The following CCKAR variants were observed in gnomAD, a reference collection of about 807,000 sequenced individuals.
CCKAR encodes cholecystokinin A receptor.
In CCKAR, 21 loss-of-function variants were observed where a neutral mutation model predicts 29.8. The ratio of observed to expected loss-of-function variants is 0.70; its 90% CI spans 0.50 to 1.01. The LOEUF (loss-of-function observed/expected upper bound fraction) is 1.01, where lower values mean the gene tolerates loss of function less well. Ranked by LOEUF, CCKAR falls within the 50% of genes least tolerant of loss-of-function variation. The pLI is 0.00. For synonymous variants in CCKAR, 238 were observed against 221.3 expected (o/e 1.08, Z -0.67); for missense variants, 570 against 560.6 (o/e 1.02, Z -0.17).
At chr4:26,483,061 C>G in intron 4 of CCKAR, 95 bp downstream of exon 4, 1 of 1,296,038 alleles carries the variant, frequency 7.7e-7, no homozygotes, top group South Asian at 1.7e-5. Context: ...GCTTTTCCAA[C>G]AAACTTTACG....
intron 3 of CCKAR, among the ~76,000 whole-genome samples, chr4:26,485,231 A>G (rs1737426560): frequency 6.6e-6 from 1 of 151,078 alleles, no homozygotes; most frequent in Non-Finnish European, 1.5e-5. Context: ...AAAGAAAATC[A>G]TAGCTCTACA....
chr4:26,487,185 C>T (rs1298833082), intron 2 of CCKAR, among the ~76,000 whole-genome samples: 1 of 152,126 alleles, frequency 6.6e-6, no homozygotes, highest in African/African-American at 2.4e-5. Context: ...AATTTGGGAG[C>T]AGAGGTCCTG....
intron 2 of CCKAR, among the ~76,000 whole-genome samples, chr4:26,486,785 G>A (rs757348920): frequency 6.6e-6 from 1 of 152,020 alleles, no homozygotes; most frequent in Non-Finnish European, 1.5e-5. Context: ...ATGGCTGCAC[G>A]TGCCTGTAAT....
intron 3 of CCKAR, 131 bp downstream of exon 3, chr4:26,485,506 C>T: frequency 1.1e-6 from 1 of 874,572 alleles, no homozygotes; most frequent in South Asian, 1.7e-5. Context: ...TAGAACGAGG[C>T]TAGAAAGACC....
Position 26,489,395 on chromosome 4 carries a change from G to T in CCKAR, c.202C>A (p.Arg68=). Residue 68 remains arginine (R), a synonymous_variant, in exon 2 of 5, where the codon CGG becomes AGG. Transcript: ENST00000295589. ...GTGACCGTCCGCATCCGCTTGTTCC[G>T]AATCAGCACGGTGATGACCAGCGTG... ...GNTLVITVLI[R]NKRMRTVTNI... 1 of 1,614,138 alleles carries T rather than the reference G, an allele frequency of 6.2e-7. No homozygotes were observed. Among genetic ancestry groups the T allele is most frequent in the Non-Finnish European group, 8.5e-7 (1 of 1,180,036 alleles).
Position 26,490,253 on chromosome 4 carries a change from G to A in CCKAR, c.15C>T (p.Asp5=). The A allele has an allele frequency of 6.2e-7, 1 of 1,611,402 alleles. No homozygotes were observed. The highest frequency in any genetic ancestry group is 2.2e-5 in the East Asian group (1 of 44,806). ...TGTTGCTTCCATTCACAAGAAGGCT[G>A]TCAACCACATCCATCCTTGCCTGCT... MDVV[D]SLLVNGSNIT... Residue 5 remains aspartate (D), a synonymous_variant, in exon 1 of 5, where the codon GAC becomes GAT. Transcript: ENST00000295589.
chr4:26,489,811 C>T (rs2071011), intron 1 of CCKAR, among the ~76,000 whole-genome samples: 3 of 152,078 alleles, frequency 2.0e-5, no homozygotes, highest in Admixed American at 6.5e-5. Flanking sequence ...CTGGGTTTCC[C>T]CCCAAGAAAA....
rs1047798567 is a variant in CCKAR at position 26,484,645 on chromosome 4, T to C, written c.626+992A>G. Among the ~76,000 whole-genome samples, 9 of 152,286 alleles carry C rather than the reference T, an allele frequency of 5.9e-5. No individual in the cohort carries two copies. In the South Asian group the frequency reaches 1.7e-3, roughly 28 times the overall value. ...AAGGAACCAGTATTAGAAACTTGCG[T>C]TTTTATTTCTGGTAAAATGCTCTGG... On this transcript the variant is annotated intron_variant, in intron 3 of 4. Transcript: ENST00000295589.
Position 26,482,138 on chromosome 4 carries a change from A to G in CCKAR, c.787T>C (p.Tyr263His), listed in dbSNP as rs762616297. ...AGGTAACACCCATCGCTGTCCTCATATTTGCCGCTGCTGGTGGTGCTAGGT... is the reference window on the plus strand; with the variant it reads ...AGGTAACACCCATCGCTGTCCTCATGTTTGCCGCTGCTGGTGGTGCTAGGT... ...RKPSTTSSGKYEDSDGCYLQK... is the reference protein window; with the variant it reads ...RKPSTTSSGKHEDSDGCYLQK... Residue 263 changes from tyrosine to histidine, a missense_variant, in exon 5 of 5, where the codon TAT becomes CAT. Transcript: ENST00000295589. The G allele has an allele frequency of 3.7e-6, 6 of 1,611,112 alleles. 1 individual carries two copies. In the East Asian group the frequency reaches 8.9e-5, roughly 24 times the overall value.
chr4:26,483,947 C>T (rs542657321), intron 3 of CCKAR, among the ~76,000 whole-genome samples: 100 of 152,336 alleles, frequency 6.6e-4, no homozygotes, highest in African/African-American at 2.3e-3. Flanking sequence ...CCTTCTGGGT[C>T]TTACAAAACA....
rs777574813 is a variant in CCKAR at position 26,489,394 on chromosome 4, C to T, written c.203G>A (p.Arg68Gln). The T allele has an allele frequency of 8.1e-6, 13 of 1,614,018 alleles. No homozygotes were observed. The highest frequency in any genetic ancestry group is 2.2e-5 in the South Asian group (2 of 91,086). Residue 68 changes from arginine (R) to glutamine (Q), a missense_variant, in exon 2 of 5, where the codon CGG becomes CAG. Arg to Gln is a conservative substitution (Grantham distance 43). Coordinates refer to ENST00000295589, the MANE Select transcript of CCKAR (RefSeq NM_000730.3). ...GGTGACCGTCCGCATCCGCTTGTTC[C>T]GAATCAGCACGGTGATGACCAGCGT... The part of the protein sequence containing the change: ...GNTLVITVLI[R>Q]NKRMRTVTNI...
Position 26,481,710 on chromosome 4 carries a change from T to TTCCTCCTCC in CCKAR, c.1206_1214dup (p.Glu403_Glu405dup). The TTCCTCCTCC allele has an allele frequency of 5.0e-6, 8 of 1,614,146 alleles. No homozygotes were observed. Among genetic ancestry groups the TTCCTCCTCC allele is most frequent in the Non-Finnish European group, 6.8e-6 (8 of 1,180,032 alleles). Reference sequence around the variant, plus strand: ...ACAGAGAGGCTCCTGTGGTCCCGCCTTCCTCCTCCTCCCCCACCTCTCCCC... The same window carrying TTCCTCCTCC: ...ACAGAGAGGCTCCTGTGGTCCCGCCTTCCTCCTCCTCCTCCTCCTCCCCCACCTCTCCCC... On this transcript the variant is annotated inframe_insertion, in exon 5 of 5. Transcript: ENST00000295589.
At chr4:26,485,926 T>C (rs2854029) in intron 2 of CCKAR, 28 bp from the exon 3 acceptor site, 31 of 1,601,560 alleles carry the variant, frequency 1.9e-5, no homozygotes, top group Non-Finnish European at 1.8e-5. Flanking sequence ...AAGCCGGTTA[T>C]GTTGACTCTG....
intron 1 of CCKAR, 29 bp from the exon 2 acceptor site, chr4:26,489,513 G>A (rs1737515641): frequency 6.2e-7 from 1 of 1,609,710 alleles, no homozygotes; most frequent in Non-Finnish European, 8.5e-7. Flanking sequence ...GCAAGACGGA[G>A]GGATGGAGGT....
In CCKAR at chr4:26,485,631, C is replaced by A. The variant is rs1737433457; in HGVS notation, c.626+6G>T. 5 of 1,612,804 alleles carry A rather than the reference C, an allele frequency of 3.1e-6. 1 individual carries two copies. In the South Asian group the frequency reaches 3.3e-5, roughly 11 times the overall value. Reference sequence around the variant, plus strand: ...GTATTTTTAAAAATAAACAATGCAACCTTACCAGGACTGCTGCATAACATC... The same window carrying A: ...GTATTTTTAAAAATAAACAATGCAAACTTACCAGGACTGCTGCATAACATC... On this transcript the variant is annotated splice_donor_region_variant and intron_variant, in intron 3 of 4. Transcript: ENST00000295589.
At chr4:26,486,687 G>A (rs1269599964) in intron 2 of CCKAR, among the ~76,000 whole-genome samples, 1 of 152,196 alleles carries the variant, frequency 6.6e-6, no homozygotes, top group Non-Finnish European at 1.5e-5. Context: ...TCCGAGGCAG[G>A]CAGATCACTT....
intron 3 of CCKAR, 25 bp from the exon 4 acceptor site, chr4:26,483,308 T>A: frequency 6.2e-7 from 1 of 1,609,824 alleles, no homozygotes; most frequent in Non-Finnish European, 8.5e-7. Context: ...AGAAATCCAA[T>A]AACCAGCAAC....
intron 3 of CCKAR, 150 bp downstream of exon 3, chr4:26,485,487 T>G: frequency 2.8e-6 from 2 of 719,794 alleles, no homozygotes; most frequent in South Asian, 3.8e-5. Flanking sequence ...TTTGCTATCG[T>G]GATTATCCTA....
At position 26,490,203 on chromosome 4, in the gene CCKAR, A is replaced by G. The variant is rs1737530367; in HGVS notation, c.65T>C (p.Leu22Pro). The part of the protein sequence containing the change: ...SNITPPCELG[L>P]ENETLFCLDQ... Reference sequence around the variant, plus strand: ...CAAGCAGAAAAGCGTCTCATTTTCGAGCCCGAGTTCACAGGGAGGAGTGAT... The same window carrying G: ...CAAGCAGAAAAGCGTCTCATTTTCGGGCCCGAGTTCACAGGGAGGAGTGAT... The change falls in exon 1 of 5, where the codon CTC becomes CCC. Residue 22 changes from leucine to proline, a missense_variant. Physicochemically the swap from Leu to Pro is moderately conservative, Grantham distance 98 (BLOSUM62 -3). Coordinates refer to ENST00000295589, the MANE Select transcript of CCKAR (RefSeq NM_000730.3). 1.2e-6 allele frequency: 2 copies of G among 1,613,792 alleles called. No homozygotes were observed. Among genetic ancestry groups the G allele is most frequent in the Non-Finnish European group, 1.7e-6 (2 of 1,179,956 alleles).
Sources: allele counts gnomAD v4.1 joint callset (sites outside exome capture counted in the v4.1 genomes callset), GRCh38; gene constraint gnomAD v4.1.1; transcripts MANE v1.5; gene names NCBI Gene and HGNC (gene_info 2026-07-23, HGNC 2026-07-21).